The following RSU1 variants were observed in gnomAD, a reference collection of about 807,000 sequenced individuals.
RSU1 encodes rsu-1.
In RSU1, 26 loss-of-function variants were observed where a neutral mutation model predicts 31.1. The observed-to-expected ratio is 0.84, with a 90% CI of 0.61 to 1.16. The LOEUF is 1.16. Among genes scored for constraint, RSU1 ranks in the 50% most tolerant of loss-of-function variants. The probability of loss-of-function intolerance (pLI) is 0.00; values close to 1 mark genes in which losing one functional copy is unlikely to be tolerated. For missense variants in RSU1, 320 were observed against 339.1 expected, an observed-to-expected ratio of 0.94 and a Z score of 0.44; for synonymous variants, 164 against 136.3, an observed-to-expected ratio of 1.20 and a Z score of -1.41.
chr10:16,607,728 G>C (rs1005920671), intron 8 of RSU1, among the ~76,000 whole-genome samples: 4 of 152,210 alleles, frequency 2.6e-5, no homozygotes. Context: ...GCTTTGCCCA[G>C]GAACCCTGTA....
intron 8 of RSU1, among the ~76,000 whole-genome samples, chr10:16,679,874 T>G (rs10904790): frequency 0.015 from 506 of 34,020 alleles, 18 homozygotes; most frequent in Non-Finnish European, 0.015. Context: ...CTCAAGTTTT[T>G]TTTTTTTTTT....
rs747604764 is a variant in RSU1 at position 16,609,185 on chromosome 10, G to T, written c.732-15689C>A. 3.1e-4 allele frequency among the ~76,000 whole-genome samples: 47 copies of T among 152,240 alleles called. No homozygotes were observed. In the Middle Eastern group the frequency reaches 0.01, roughly 33 times the overall value. ...TTTAAGAATCTCAGAAAAATGTATG[G>T]TCTGCAAGTGCAAAAAGCTTAAAAA... On this transcript the variant is annotated intron_variant, in intron 8 of 8. Coordinates refer to ENST00000345264, the MANE Select transcript of RSU1 (RefSeq NM_012425.4).
At chr10:16,617,233 C>A (rs1833993239) in intron 8 of RSU1, among the ~76,000 whole-genome samples, 2 of 152,142 alleles carry the variant, frequency 1.3e-5, no homozygotes, top group Non-Finnish European at 2.9e-5. Flanking sequence ...CTCCCATTCA[C>A]AATTGCTACA....
At chr10:16,733,210 G>T (rs1260414262) in intron 7 of RSU1, among the ~76,000 whole-genome samples, 1 of 151,870 alleles carries the variant, frequency 6.6e-6, no homozygotes, top group Non-Finnish European at 1.5e-5. Flanking sequence ...AGAAAACCCG[G>T]CTGGGCATGG....
intron 2 of RSU1, among the ~76,000 whole-genome samples, chr10:16,791,283 T>TC (rs1837906230): frequency 2.0e-5 from 3 of 151,978 alleles, no homozygotes; most frequent in Admixed American, 2.0e-4. Flanking sequence ...TGACTTGGCC[T>TC]CCCAAAGTGC....
chr10:16,789,999 C>A (rs1023533782), intron 2 of RSU1, among the ~76,000 whole-genome samples: 1 of 152,052 alleles, frequency 6.6e-6, no homozygotes, highest in African/African-American at 2.4e-5. Context: ...TTGGATCTGG[C>A]CAAAATGAAC....
intron 2 of RSU1, among the ~76,000 whole-genome samples, chr10:16,798,063 T>G (rs1443980117): frequency 6.6e-6 from 1 of 152,014 alleles, no homozygotes; most frequent in African/African-American, 2.4e-5. Context: ...GGTTTTACCA[T>G]GTTGGCCAGG....
In RSU1 at chr10:16,768,481, G is replaced by A. The variant is rs569025967; in HGVS notation, c.161-3971C>T. On this transcript the variant is annotated intron_variant, in intron 3 of 8. Coordinates refer to ENST00000345264, the MANE Select transcript of RSU1 (RefSeq NM_012425.4). ...TTGAGACTTCAGTTGCTAGGTTTGC[G>A]GGAACAGTCCCAGAGGACTCAGATA... Among the ~76,000 whole-genome samples, 18 of 151,302 alleles carry A rather than the reference G, an allele frequency of 1.2e-4. 1 individual carries two copies. Among genetic ancestry groups the A allele is most frequent in the South Asian group, 4.2e-4 (2 of 4,794 alleles).
chr10:16,638,325 C>G (rs1012375398), intron 8 of RSU1, among the ~76,000 whole-genome samples: 2 of 152,062 alleles, frequency 1.3e-5, no homozygotes, highest in African/African-American at 4.8e-5. Flanking sequence ...TGTGTAGTAC[C>G]TTTTAACATC....
chr10:16,646,022 GTATA>G lies in RSU1; in HGVS notation c.731+48997_731+49000del, dbSNP rs1194036067. Among the ~76,000 whole-genome samples, 17 of 72,810 alleles carry G rather than the reference GTATA, an allele frequency of 2.3e-4. 3 individuals carry two copies. Among genetic ancestry groups the G allele is most frequent in the African/African-American group, 1.1e-3 (17 of 15,058 alleles). 47.8% of individuals were successfully genotyped at this position (72,810 alleles called of 152,430 possible). ...TATATATGTGTATATACATATATGTGTATATATATGTGTATATACATATATGTGT... is the reference window on the plus strand; with the variant it reads ...TATATATGTGTATATACATATATGTGTATATGTGTATATACATATATGTGT... On this transcript the variant is annotated intron_variant, in intron 8 of 8. Transcript: ENST00000345264.
At chr10:16,685,851 A>G (rs1053686904) in intron 8 of RSU1, among the ~76,000 whole-genome samples, 7 of 151,856 alleles carry the variant, frequency 4.6e-5, no homozygotes, top group African/African-American at 1.7e-4. Context: ...GAGAACTATT[A>G]AAGTGGAAAA....
At chr10:16,786,498 ATAATAT>A (rs1474297857) in intron 2 of RSU1, among the ~76,000 whole-genome samples, 3 of 152,000 alleles carry the variant, frequency 2.0e-5, no homozygotes, top group Non-Finnish European at 4.4e-5. Context: ...TTTGTGGGAA[ATAATAT>A]TTATAAGCCA....
chr10:16,739,178 A>T (rs1836699642), intron 7 of RSU1, among the ~76,000 whole-genome samples: 1 of 152,286 alleles, frequency 6.6e-6, no homozygotes, highest in African/African-American at 2.4e-5. Flanking sequence ...ACATACATGC[A>T]CATGTATCTT....
At chr10:16,691,079 A>G (rs911136178) in intron 8 of RSU1, among the ~76,000 whole-genome samples, 1 of 151,702 alleles carries the variant, frequency 6.6e-6, no homozygotes, top group Non-Finnish European at 1.5e-5. Context: ...TGAATGTGAA[A>G]TTTGCTTTTT....
intron 2 of RSU1, among the ~76,000 whole-genome samples, chr10:16,797,444 C>G (rs2131667327): frequency 6.6e-6 from 1 of 152,238 alleles, no homozygotes; most frequent in Non-Finnish European, 1.5e-5. Context: ...TAGAACTAAG[C>G]CTTCCTCTGA....
chr10:16,797,253 GCAGT>G lies in RSU1; in HGVS notation c.110-15173_110-15170del, dbSNP rs1838057225. Among the ~76,000 whole-genome samples the G allele has an allele frequency of 2.0e-5, 3 of 152,148 alleles. No individual in the cohort carries two copies. The South Asian group carries it at 6.2e-4, about 31-fold the overall frequency. On this transcript the variant is annotated intron_variant, in intron 2 of 8. Transcript: ENST00000345264. ...ATAGGGTAGCCCTACTCCACAAGGA[GCAGT>G]AAGTAAAAATAAAACGCTTTTAAAA... is the stretch of plus-strand genomic sequence containing the variant.
intron 2 of RSU1, among the ~76,000 whole-genome samples, chr10:16,814,464 A>AG (rs1348742101): frequency 1.4e-5 from 2 of 145,676 alleles, no homozygotes; most frequent in African/African-American, 5.3e-5. Context: ...AAAAAAAAAA[A>AG]AAAAGAAAAA....
intron 8 of RSU1, among the ~76,000 whole-genome samples, chr10:16,675,230 A>C (rs1391344039): frequency 6.6e-6 from 1 of 151,714 alleles, no homozygotes; most frequent in African/African-American, 2.4e-5. Flanking sequence ...AAGAAAAAAA[A>C]GTGTAAAGCT....
chr10:16,814,220 C>T (rs879617308), intron 2 of RSU1, among the ~76,000 whole-genome samples: 1 of 152,038 alleles, frequency 6.6e-6, no homozygotes, highest in Non-Finnish European at 1.5e-5. Flanking sequence ...TGGGGGCACT[C>T]CTTGAGCCCA....
Sources: gnomAD v4.1 joint callset for allele counts (sites outside exome capture counted in the v4.1 genomes callset) on GRCh38, gnomAD v4.1.1 for gene constraint, MANE v1.5 for transcripts, NCBI Gene and HGNC (gene_info 2026-07-23, HGNC 2026-07-21) for gene names.